The following YAP1 variants were observed in gnomAD, a reference collection of about 807,000 sequenced individuals.
YAP1 encodes Yes1 associated transcriptional regulator.
Under a neutral mutation model 56.9 loss-of-function variants are expected in YAP1, and 5 were observed. That is an observed-to-expected ratio of 0.09 (90% confidence interval 0.05 to 0.18). YAP1 has a LOEUF of 0.18. YAP1 is among the 10% of genes least tolerant of loss of function. YAP1 has a pLI of 1.00. For missense variants in YAP1, 539 were observed against 651.8 expected, an observed-to-expected ratio of 0.83 and a Z score of 1.88; for synonymous variants, 265 against 248.1, an observed-to-expected ratio of 1.07 and a Z score of -0.64.
At chr11:102,191,549 A>G (rs970080699) in intron 4 of YAP1, among the ~76,000 whole-genome samples, 33 of 152,222 alleles carry the variant, frequency 2.2e-4, no homozygotes, top group African/African-American at 7.2e-4. Flanking sequence ...AGAAATACCT[A>G]CTAATGCTGA....
rs1428444672 is a variant in YAP1, at chr11:102,230,404, A to G, written c.*464A>G. Reference sequence around the variant, plus strand: ...TGATTTACTGGTCTGACAAGCCAAAAATGTTATATCTGATATTAAATACTT... The same window carrying G: ...TGATTTACTGGTCTGACAAGCCAAAGATGTTATATCTGATATTAAATACTT... On this transcript the variant is annotated 3_prime_UTR_variant, in exon 9 of 9. Transcript: ENST00000282441. The G allele has an allele frequency of 6.3e-6, 1 of 159,096 alleles. No homozygotes were observed. The highest frequency in any genetic ancestry group is 1.4e-5 in the Non-Finnish European group (1 of 71,980). 9.9% of individuals were successfully genotyped at this position (159,096 alleles called of 1,614,324 possible).
chr11:102,132,787 CAGTT>C (rs976188100), intron 2 of YAP1, among the ~76,000 whole-genome samples: 2 of 152,214 alleles, frequency 1.3e-5, no homozygotes, highest in African/African-American at 4.8e-5. Flanking sequence ...ACTCTTGTTT[CAGTT>C]AGTAATTATC....
At chr11:102,179,394 G>C (rs1947452749) in intron 3 of YAP1, among the ~76,000 whole-genome samples, 1 of 151,934 alleles carries the variant, frequency 6.6e-6, no homozygotes, top group Non-Finnish European at 1.5e-5. Flanking sequence ...TGAGTTTGGG[G>C]GATTGGAATT....
At chr11:102,131,134 C>T (rs1381880451) in intron 2 of YAP1, among the ~76,000 whole-genome samples, 3 of 152,098 alleles carry the variant, frequency 2.0e-5, no homozygotes, top group African/African-American at 4.8e-5. Flanking sequence ...CAAAAAAGAC[C>T]CACATGGTTC....
At chr11:102,173,588 G>A (rs1440492443) in intron 3 of YAP1, among the ~76,000 whole-genome samples, 2 of 152,068 alleles carry the variant, frequency 1.3e-5, no homozygotes, top group South Asian at 2.1e-4. Context: ...TGTCAAACAC[G>A]TGTTTTAATT....
intron 7 of YAP1, among the ~76,000 whole-genome samples, chr11:102,224,819 A>G (rs1261349897): frequency 1.3e-5 from 2 of 152,238 alleles, no homozygotes; most frequent in Non-Finnish European, 2.9e-5. Context: ...ATAGTTCTAG[A>G]CTTAAACTGA....
At chr11:102,228,219 A>T (rs752041935) in intron 8 of YAP1, among the ~76,000 whole-genome samples, 1 of 152,182 alleles carries the variant, frequency 6.6e-6, no homozygotes, top group Admixed American at 6.5e-5. Context: ...AGAGATGTCT[A>T]CATGTAATTC....
In YAP1 at chr11:102,177,955, A is replaced by C. The variant is rs1344268118; in HGVS notation, c.689-8063A>C. Among the ~76,000 whole-genome samples the C allele has an allele frequency of 2.6e-5, 4 of 152,300 alleles. No individual in the cohort carries two copies. The East Asian group carries it at 7.7e-4, about 29-fold the overall frequency. On this transcript the variant is annotated intron_variant, in intron 3 of 8. Transcript: ENST00000282441. ...TAATTGTGGTGTAGTATTCAAGAGC[A>C]TGATTTCTGGAGAGCTCAACTGTCA...
intron 3 of YAP1, among the ~76,000 whole-genome samples, chr11:102,184,394 G>T (rs539750945): frequency 2.0e-5 from 3 of 152,184 alleles, no homozygotes; most frequent in Non-Finnish European, 4.4e-5. Flanking sequence ...AAACAGGTTT[G>T]CTTCTCATTC....
chr11:102,175,796 A>G (rs1034172550), intron 3 of YAP1, among the ~76,000 whole-genome samples: 1 of 152,196 alleles, frequency 6.6e-6, no homozygotes, highest in Admixed American at 6.5e-5. Flanking sequence ...CTATAACATT[A>G]CCTTATGACA....
Position 102,232,312 on chromosome 11 carries a change from G to C in YAP1, c.*2372G>C, listed in dbSNP as rs1306380839. 1 of 151,842 alleles carries C rather than the reference G, an allele frequency of 6.6e-6. No individual in the cohort carries two copies. Among genetic ancestry groups the C allele is most frequent in the African/African-American group, 2.4e-5 (1 of 41,304 alleles). The allele number at this position is 151,842 out of a possible 1,614,324, so 9.4% of individuals were successfully genotyped here. On this transcript the variant is annotated 3_prime_UTR_variant, in exon 9 of 9. Coordinates refer to ENST00000282441, the MANE Select transcript of YAP1 (RefSeq NM_001130145.3). ...GGTTGTGAAGATTTAGGGGGACCTTGATAGAGAACTTTATAAACTTCTTTC... is the reference window on the plus strand; with the variant it reads ...GGTTGTGAAGATTTAGGGGGACCTTCATAGAGAACTTTATAAACTTCTTTC...
intron 8 of YAP1, among the ~76,000 whole-genome samples, chr11:102,229,434 T>C (rs1457967401): frequency 1.3e-5 from 2 of 152,190 alleles, no homozygotes; most frequent in Non-Finnish European, 2.9e-5. Flanking sequence ...TTCAAGGGCT[T>C]TTTTATTTTT....
chr11:102,137,424 G>A (rs1251069491), intron 2 of YAP1, among the ~76,000 whole-genome samples: 2 of 152,202 alleles, frequency 1.3e-5, no homozygotes, highest in African/African-American at 4.8e-5. Context: ...GCCATATAAT[G>A]TTTTAATATC....
intron 3 of YAP1, among the ~76,000 whole-genome samples, chr11:102,174,841 G>C (rs1357677473): frequency 6.6e-6 from 1 of 152,162 alleles, no homozygotes; most frequent in Non-Finnish European, 1.5e-5. Flanking sequence ...CTATAAAGAG[G>C]ACATGAACAT....
chr11:102,217,921 G>A (rs778434598), intron 6 of YAP1, among the ~76,000 whole-genome samples: 1 of 151,958 alleles, frequency 6.6e-6, no homozygotes, highest in Non-Finnish European at 1.5e-5. Context: ...GGCTGGTCTC[G>A]AACTCCCAAC....
chr11:102,206,896 C>T (rs1591419113), intron 5 of YAP1, among the ~76,000 whole-genome samples: 1 of 152,206 alleles, frequency 6.6e-6, no homozygotes. Context: ...TTAAAATTAC[C>T]TGCTTATGGA....
At position 102,178,706 on chromosome 11, in the gene YAP1, C is replaced by CT. The variant is rs556139987; in HGVS notation, c.689-7307dup. ...TATTTTATATATTGCCTACTACTCTCTTTTTGCTTATCCTGAATCAAATTT... is the reference window on the plus strand; with the variant it reads ...TATTTTATATATTGCCTACTACTCTCTTTTTTGCTTATCCTGAATCAAATTT... On this transcript the variant is annotated intron_variant, in intron 3 of 8. Coordinates refer to ENST00000282441, the MANE Select transcript of YAP1 (RefSeq NM_001130145.3). 4.7e-4 allele frequency among the ~76,000 whole-genome samples: 71 copies of CT among 152,308 alleles called. 1 individual carries two copies. In the South Asian group the frequency reaches 0.014, roughly 29 times the overall value.
At chr11:102,134,553 T>C (rs947851795) in intron 2 of YAP1, among the ~76,000 whole-genome samples, 1 of 149,948 alleles carries the variant, frequency 6.7e-6, no homozygotes, top group Admixed American at 6.7e-5. Flanking sequence ...AACACACTTA[T>C]TCTAAATAGT....
At chr11:102,126,075 C>T (rs1944021257) in intron 2 of YAP1, among the ~76,000 whole-genome samples, 1 of 152,038 alleles carries the variant, frequency 6.6e-6, no homozygotes, top group Non-Finnish European at 1.5e-5. Flanking sequence ...AATCCAGAGT[C>T]TCCAGGTCTG....
Sources: allele counts gnomAD v4.1 joint callset (sites outside exome capture counted in the v4.1 genomes callset), GRCh38; gene constraint gnomAD v4.1.1; transcripts MANE v1.5; gene names NCBI Gene and HGNC (gene_info 2026-07-23, HGNC 2026-07-21).